ASCL5: variants seen among roughly 807,000 people sequenced by gnomAD.
ASCL5 encodes the protein achaete-scute homolog 5.
For synonymous variants in ASCL5, 124 were observed against 131.5 expected, an observed-to-expected ratio of 0.94 and a Z score of 0.39; for missense variants, 262 against 268.9, an observed-to-expected ratio of 0.97 and a Z score of 0.18.
intron 1 of ASCL5, among the ~76,000 whole-genome samples, chr1:201,119,016 G>T (rs1266305606): frequency 6.6e-6 from 1 of 152,218 alleles, no homozygotes; most frequent in Non-Finnish European, 1.5e-5. Context: ...CAAAGGAACA[G>T]AGAGGTTTAC....
rs1462349392 is a variant in ASCL5, at chr1:201,114,271, T to G, written c.*481A>C. ...GGGTTCCTTTCTCGAGGAGTAAGCGTGCTCCCAAAGAAGTCGCTAGTATCT... is the reference window on the plus strand; with the variant it reads ...GGGTTCCTTTCTCGAGGAGTAAGCGGGCTCCCAAAGAAGTCGCTAGTATCT... On this transcript the variant is annotated 3_prime_UTR_variant, in exon 2 of 2. Transcript: ENST00000449188. 1 of 152,910 alleles carries G rather than the reference T, an allele frequency of 6.5e-6. No individual in the cohort carries two copies. Among genetic ancestry groups the G allele is most frequent in the East Asian group, 1.9e-4 (1 of 5,198 alleles). The allele number at this position is 152,910 out of a possible 1,614,324, so 9.5% of individuals were successfully genotyped here.
In ASCL5 at chr1:201,114,173, T is replaced by A. The variant is rs906293364; in HGVS notation, c.*579A>T. 6.6e-6 allele frequency: 1 copy of A among 151,172 alleles called. No individual in the cohort carries two copies. Among genetic ancestry groups the A allele is most frequent in the African/African-American group, 2.4e-5 (1 of 41,056 alleles). 9.4% of individuals were successfully genotyped at this position (151,172 alleles called of 1,614,324 possible). A position where few individuals can be genotyped will look rare whatever the true frequency, so the allele number is the denominator to read the frequency against. ...AGAGAACGCCACCGGGGCACACAGG[T>A]CGCCTCTGCTGAGTCTGTAGGTTCG... On this transcript the variant is annotated 3_prime_UTR_variant, in exon 2 of 2. Transcript: ENST00000449188.
At chr1:201,125,301 C>G (rs1217314335) in intron 1 of ASCL5, among the ~76,000 whole-genome samples, 1 of 152,222 alleles carries the variant, frequency 6.6e-6, no homozygotes, top group Non-Finnish European at 1.5e-5. Flanking sequence ...AGGTTCCCAG[C>G]AGTCTGCCAT....
In ASCL5 at chr1:201,114,991, C is replaced by T; in HGVS notation, c.382G>A (p.Ala128Thr). The T allele has an allele frequency of 7.3e-6, 9 of 1,231,674 alleles. No homozygotes were observed. The highest frequency in any genetic ancestry group is 9.1e-6 in the Non-Finnish European group (9 of 987,974). The allele number at this position is 1,231,674 out of a possible 1,614,324, so 76.3% of individuals were successfully genotyped here. ...RLSKVETLRA[A>T]IRYIKYLQEL... Reference sequence around the variant, plus strand: ...TGCAGGTACTTTATGTAGCGGATGGCGGCGCGCAGCGTCTCCACCTTGCTG... The same window carrying T: ...TGCAGGTACTTTATGTAGCGGATGGTGGCGCGCAGCGTCTCCACCTTGCTG... The change falls in exon 2 of 2, where the codon GCC becomes ACC. Residue 128 changes from alanine (A) to threonine (T), a missense_variant. Coordinates refer to ENST00000449188, the MANE Select transcript of ASCL5 (RefSeq NM_001270601.2).
At chr1:201,118,705 A>G (rs889534833) in intron 1 of ASCL5, among the ~76,000 whole-genome samples, 7 of 152,190 alleles carry the variant, frequency 4.6e-5, no homozygotes, top group Admixed American at 6.5e-5. Flanking sequence ...ATAGAACAGC[A>G]AACAAACATT....
rs1663293690 is a variant in ASCL5 at position 201,114,688 on chromosome 1, T to G, written c.*64A>C. ...CGCGGGTGACCCAACAGCCTCCCGCTGCTCCCGAAAGTGGGACGGGGCCGG... is the reference window on the plus strand; with the variant it reads ...CGCGGGTGACCCAACAGCCTCCCGCGGCTCCCGAAAGTGGGACGGGGCCGG... On this transcript the variant is annotated 3_prime_UTR_variant, in exon 2 of 2. Transcript: ENST00000449188. 8.2e-7 allele frequency: 1 copy of G among 1,221,002 alleles called. No homozygotes were observed. Among genetic ancestry groups the G allele is most frequent in the South Asian group, 4.1e-5 (1 of 24,166 alleles). The allele number at this position is 1,221,002 out of a possible 1,614,324, so 75.6% of individuals were successfully genotyped here.
chr1:201,114,361 G>C lies in ASCL5; in HGVS notation c.*391C>G, dbSNP rs1171281332. On this transcript the variant is annotated 3_prime_UTR_variant, in exon 2 of 2. Transcript: ENST00000449188. ...GCTCAAAGTCGGGCTCGCATCCCGG[G>C]GACTCGCAGAGACTGGACTGCGCCT... is the stretch of plus-strand genomic sequence containing the variant. The C allele has an allele frequency of 5.7e-6, 1 of 174,116 alleles. No individual in the cohort carries two copies. Among genetic ancestry groups the C allele is most frequent in the Non-Finnish European group, 1.2e-5 (1 of 82,774 alleles). 10.8% of individuals were successfully genotyped at this position (174,116 alleles called of 1,614,324 possible). A position where few individuals can be genotyped will look rare whatever the true frequency, so the allele number is the denominator to read the frequency against.
intron 1 of ASCL5, among the ~76,000 whole-genome samples, chr1:201,118,100 TACA>T (rs1004972356): frequency 9.2e-5 from 14 of 152,238 alleles, no homozygotes; most frequent in Non-Finnish European, 1.3e-4. Flanking sequence ...CCTTTTTTCA[TACA>T]ACAATTCAGA....
chr1:201,122,787 C>A, intron 1 of ASCL5, among the ~76,000 whole-genome samples: 1 of 152,156 alleles, frequency 6.6e-6, no homozygotes, highest in East Asian at 1.9e-4. Flanking sequence ...ACTGCTAAAC[C>A]CTGAGCACGG....
rs548037312 is a variant in ASCL5, at chr1:201,124,990, C to T, written c.-506+2094G>A. Among the ~76,000 whole-genome samples the T allele has an allele frequency of 5.3e-5, 8 of 152,332 alleles. No homozygotes were observed. In the East Asian group the frequency reaches 9.6e-4, roughly 18 times the overall value. The stretch of plus-strand genomic sequence containing the variant: ...GATTCTCCAACCTGTCTCATGCATG[C>T]GGTTACCTGTATTTTAGAGGGAACT... On this transcript the variant is annotated intron_variant, in intron 1 of 1. Transcript: ENST00000449188.
chr1:201,121,366 G>A (rs571361350), intron 1 of ASCL5, among the ~76,000 whole-genome samples: 4 of 152,240 alleles, frequency 2.6e-5, no homozygotes, highest in South Asian at 4.1e-4. Context: ...CAGCACTTTC[G>A]GAGGCCGAGG....
intron 1 of ASCL5, among the ~76,000 whole-genome samples, chr1:201,126,453 C>T (rs943437162): frequency 2.0e-5 from 3 of 152,174 alleles, no homozygotes; most frequent in Non-Finnish European, 4.4e-5. Flanking sequence ...AACTGAGGCT[C>T]AGCAAGCTTA....
intron 1 of ASCL5, among the ~76,000 whole-genome samples, chr1:201,117,765 G>A (rs1663375239): frequency 6.6e-6 from 1 of 152,174 alleles, no homozygotes; most frequent in African/African-American, 2.4e-5. Context: ...TTCTAAGATG[G>A]CACATTCTCT....
At chr1:201,123,368 T>C (rs1430436998) in intron 1 of ASCL5, among the ~76,000 whole-genome samples, 1 of 152,226 alleles carries the variant, frequency 6.6e-6, no homozygotes. Flanking sequence ...CAACCTCAAC[T>C]GCTGCCCTCA....
At position 201,115,033 on chromosome 1, in the gene ASCL5, G is replaced by C; in HGVS notation, c.340C>G (p.Leu114Val). 7.3e-6 allele frequency: 9 copies of C among 1,232,006 alleles called. No individual in the cohort carries two copies. The highest frequency in any genetic ancestry group is 8.1e-6 in the Non-Finnish European group (8 of 988,224). 76.3% of individuals were successfully genotyped at this position (1,232,006 alleles called of 1,614,324 possible). Residue 114 changes from leucine to valine, a missense_variant, in exon 2 of 2, where the codon CTG (leucine) becomes GTG (valine). Coordinates refer to ENST00000449188, the MANE Select transcript of ASCL5 (RefSeq NM_001270601.2). ...ACCTTGCTGAGTCGCTTCTCAGCCA[G>C]GGCGCCGGGGAGGTGGCCGCGGAGG... ...ARLRGHLPGALAEKRLSKVET... is the reference protein window; with the variant it reads ...ARLRGHLPGAVAEKRLSKVET...
At chr1:201,120,797 T>C (rs1347000233) in intron 1 of ASCL5, among the ~76,000 whole-genome samples, 2 of 152,228 alleles carry the variant, frequency 1.3e-5, no homozygotes, top group Admixed American at 6.5e-5. Context: ...GAAGGAAGTA[T>C]TGGGGAAAGT....
intron 1 of ASCL5, among the ~76,000 whole-genome samples, chr1:201,119,331 C>T (rs1663406154): frequency 6.6e-6 from 1 of 152,074 alleles, no homozygotes; most frequent in South Asian, 2.1e-4. Flanking sequence ...GAGCAAAGGC[C>T]CCAGGAGGAT....
Position 201,114,818 on chromosome 1 carries a change from C to G in ASCL5, c.555G>C (p.Pro185=), listed in dbSNP as rs1663300367. The part of the protein sequence containing the change: ...GEARAPSSLV[P]ESSESSCFSP... ...AGAAGCAGGAGGACTCGGATGACTC[C>G]GGCACCAGGGAGGAGGGCGCCCGGG... The change falls in exon 2 of 2, where the codon CCG becomes CCC. Residue 185 remains proline, a synonymous_variant. Coordinates refer to ENST00000449188, the MANE Select transcript of ASCL5 (RefSeq NM_001270601.2). 8.2e-7 allele frequency: 1 copy of G among 1,222,952 alleles called. No homozygotes were observed. Among genetic ancestry groups the G allele is most frequent in the South Asian group, 4.1e-5 (1 of 24,222 alleles). 75.8% of individuals were successfully genotyped at this position (1,222,952 alleles called of 1,614,324 possible).
chr1:201,126,348 C>T lies in ASCL5; in HGVS notation c.-506+736G>A, dbSNP rs145043710. On this transcript the variant is annotated intron_variant, in intron 1 of 1. Coordinates refer to ENST00000449188, the MANE Select transcript of ASCL5 (RefSeq NM_001270601.2). ...AACTTCTGGCTTCAAGTGATCCTCCCGCCTCAGCCTGCTGAGTGGCTGAGA... is the reference window on the plus strand; with the variant it reads ...AACTTCTGGCTTCAAGTGATCCTCCTGCCTCAGCCTGCTGAGTGGCTGAGA... Among the ~76,000 whole-genome samples the T allele has an allele frequency of 2.8e-3, 422 of 152,180 alleles. 1 individual carries two copies. Among genetic ancestry groups the T allele is most frequent in the African/African-American group, 8.8e-3 (365 of 41,518 alleles).
Sources: allele counts gnomAD v4.1 joint callset (sites outside exome capture counted in the v4.1 genomes callset), GRCh38; gene constraint gnomAD v4.1.1; transcripts MANE v1.5; gene names NCBI Gene and HGNC (gene_info 2026-07-23, HGNC 2026-07-21).